Variants in ELOVL5 observed in about 807,000 individuals in gnomAD.
The protein encoded by ELOVL5 is ELOVL fatty acid elongase 5, also known as very long chain fatty acid elongase 5.
A neutral mutation model predicts 38.6 loss-of-function variants in ELOVL5; 8 were observed. The ratio of observed to expected loss-of-function variants is 0.21; its 90% CI spans 0.12 to 0.37. The LOEUF (loss-of-function observed/expected upper bound fraction) is 0.37, where lower values mean the gene tolerates loss of function less well. Ranked by LOEUF, ELOVL5 falls within the 10% of genes least tolerant of loss-of-function variation. ELOVL5 has a pLI of 1.00. For synonymous variants in ELOVL5, 127 were observed against 133.7 expected (o/e 0.95, Z 0.34); for missense variants, 280 against 367.8 (o/e 0.76, Z 1.95).
intron 3 of ELOVL5, among the ~76,000 whole-genome samples, chr6:53,285,686 G>A (rs756497224): frequency 2.0e-5 from 3 of 152,154 alleles, no homozygotes; most frequent in South Asian, 2.1e-4. Flanking sequence ...ATAGCTCACC[G>A]GAACCTTGAG....
chr6:53,299,594 A>G (rs2127577434), intron 1 of ELOVL5, among the ~76,000 whole-genome samples: 1 of 152,372 alleles, frequency 6.6e-6, no homozygotes, highest in Middle Eastern at 3.4e-3. Flanking sequence ...TTTCAGTCCA[A>G]GAGTACTGAA....
At chr6:53,284,398 T>C (rs1239146760) in intron 3 of ELOVL5, among the ~76,000 whole-genome samples, 2 of 152,122 alleles carry the variant, frequency 1.3e-5, no homozygotes, top group African/African-American at 4.8e-5. Flanking sequence ...GTCCCTGGTA[T>C]TGTTTAGGAG....
In ELOVL5 at chr6:53,287,920, C is replaced by T. The variant is rs1766635278; in HGVS notation, c.246+3856G>A. ...ATCAGTTCGTGAGGCACAGGCAGAT[C>T]GACGGGGTTGCTCCCTTTTGGACTG... is the stretch of plus-strand genomic sequence containing the variant. On this transcript the variant is annotated intron_variant, in intron 3 of 7. Transcript: ENST00000304434. 3.9e-6 allele frequency: 6 copies of T among 1,535,680 alleles called. No homozygotes were observed. The highest frequency in any genetic ancestry group is 3.5e-6 in the Non-Finnish European group (4 of 1,146,888).
chr6:53,305,005 G>A (rs1399682048), intron 1 of ELOVL5, among the ~76,000 whole-genome samples: 2 of 151,674 alleles, frequency 1.3e-5, no homozygotes, highest in African/African-American at 4.8e-5. Flanking sequence ...GGGGCGGCCA[G>A]GCAGAGGCGC....
intron 1 of ELOVL5, among the ~76,000 whole-genome samples, chr6:53,335,097 G>A (rs1271827329): frequency 6.6e-6 from 1 of 152,180 alleles, no homozygotes; most frequent in Non-Finnish European, 1.5e-5. Flanking sequence ...GGGATTTACA[G>A]GATTTGCATC....
intron 3 of ELOVL5, among the ~76,000 whole-genome samples, chr6:53,287,427 T>C (rs1488352197): frequency 6.6e-6 from 1 of 152,174 alleles, no homozygotes; most frequent in Non-Finnish European, 1.5e-5. Flanking sequence ...AAAACATTGT[T>C]TCATTCTAGC....
At chr6:53,329,652 C>T (rs1008284209) in intron 1 of ELOVL5, among the ~76,000 whole-genome samples, 3 of 152,042 alleles carry the variant, frequency 2.0e-5, no homozygotes, top group Non-Finnish European at 2.9e-5. Flanking sequence ...GGTGAAACCC[C>T]GTCTCTACTA....
At chr6:53,301,140 T>C (rs1177731070) in intron 1 of ELOVL5, among the ~76,000 whole-genome samples, 7 of 152,168 alleles carry the variant, frequency 4.6e-5, no homozygotes, top group African/African-American at 1.7e-4. Flanking sequence ...CCTAGTAATC[T>C]GGATTTATGG....
In ELOVL5 at chr6:53,273,463, G is replaced by A. The variant is rs558629653; in HGVS notation, c.497-119C>T. 1.8e-4 allele frequency: 158 copies of A among 901,876 alleles called. No homozygotes were observed. The African/African-American group carries it at 2.2e-3, about 12-fold the overall frequency. 55.9% of individuals were successfully genotyped at this position (901,876 alleles called of 1,614,324 possible). ...TCAGAAAGAGAGATGACTTCCAACG[G>A]AGCTGACAAACACTGCAACAGCAAG... On this transcript the variant is annotated intron_variant, in intron 5 of 7. Coordinates refer to ENST00000304434, the MANE Select transcript of ELOVL5 (RefSeq NM_021814.5).
rs567548711 is a variant in ELOVL5 at position 53,344,153 on chromosome 6, T to C, written c.-9+4664A>G. Among the ~76,000 whole-genome samples, 7 of 152,318 alleles carry C rather than the reference T, an allele frequency of 4.6e-5. No individual in the cohort carries two copies. The South Asian group carries it at 1.2e-3, about 27-fold the overall frequency. On this transcript the variant is annotated intron_variant, in intron 1 of 7. Transcript: ENST00000304434. ...ACCAAAAAAATAGCTAAGACAAAGGTTGGCCGTGAAGAGGAGGAATTGGAA... is the reference window on the plus strand; with the variant it reads ...ACCAAAAAAATAGCTAAGACAAAGGCTGGCCGTGAAGAGGAGGAATTGGAA...
intron 3 of ELOVL5, among the ~76,000 whole-genome samples, chr6:53,278,237 T>G (rs1220451993): frequency 6.6e-6 from 1 of 152,170 alleles, no homozygotes; most frequent in Admixed American, 6.5e-5. Flanking sequence ...TTTGTCTGTT[T>G]TAAAATAGGA....
chr6:53,327,692 C>G (rs1445028714), intron 1 of ELOVL5, among the ~76,000 whole-genome samples: 1 of 152,210 alleles, frequency 6.6e-6, no homozygotes, highest in Non-Finnish European at 1.5e-5. Context: ...AATTACACTT[C>G]AATTGAAAAA....
intron 3 of ELOVL5, among the ~76,000 whole-genome samples, chr6:53,283,014 G>A (rs1444601368): frequency 6.6e-6 from 1 of 152,166 alleles, no homozygotes; most frequent in African/African-American, 2.4e-5. Flanking sequence ...AAAGCATTCA[G>A]TCACCAAATG....
intron 1 of ELOVL5, among the ~76,000 whole-genome samples, chr6:53,344,116 T>C (rs1214417464): frequency 6.6e-6 from 1 of 152,234 alleles, no homozygotes; most frequent in African/African-American, 2.4e-5. Flanking sequence ...AACATGTTCT[T>C]GCAGAAAGGC....
chr6:53,286,724 T>C (rs1048860009), intron 3 of ELOVL5, among the ~76,000 whole-genome samples: 5 of 152,158 alleles, frequency 3.3e-5, no homozygotes, highest in Non-Finnish European at 7.3e-5. Flanking sequence ...ATGAATTACA[T>C]CTATACGACT....
chr6:53,309,710 G>T (rs188047140), intron 1 of ELOVL5, among the ~76,000 whole-genome samples: 1 of 152,172 alleles, frequency 6.6e-6, no homozygotes, highest in Non-Finnish European at 1.5e-5. Flanking sequence ...CAGCTGGCAT[G>T]TTTCTGTCTG....
In ELOVL5 at chr6:53,268,089, C is replaced by A. The variant is rs74973466; in HGVS notation, c.*1038G>T. Reference sequence around the variant, plus strand: ...TAAAAAGTTCTAAGGTCCTTTCCCCCCCTTTGTTAATTTTGGTAAACTAGG... The same window carrying A: ...TAAAAAGTTCTAAGGTCCTTTCCCCACCTTTGTTAATTTTGGTAAACTAGG... On this transcript the variant is annotated 3_prime_UTR_variant, in exon 8 of 8. Coordinates refer to ENST00000304434, the MANE Select transcript of ELOVL5 (RefSeq NM_021814.5). 1 of 152,106 alleles carries A rather than the reference C, an allele frequency of 6.6e-6. No homozygotes were observed. Among genetic ancestry groups the A allele is most frequent in the Non-Finnish European group, 1.5e-5 (1 of 68,014 alleles). 9.4% of individuals were successfully genotyped at this position (152,106 alleles called of 1,614,324 possible).
chr6:53,316,853 A>C (rs1768065605), intron 1 of ELOVL5, among the ~76,000 whole-genome samples: 2 of 152,124 alleles, frequency 1.3e-5, no homozygotes. Flanking sequence ...CTAGACCTTC[A>C]CTTTACTAAT....
intron 5 of ELOVL5, 95 bp from the exon 6 acceptor site, chr6:53,273,439 CAGAA>C: frequency 2.5e-6 from 3 of 1,196,386 alleles, no homozygotes; most frequent in African/African-American, 1.5e-5. Context: ...CTTTTTGAAT[CAGAA>C]AGAGAGATGA....
Sources: gnomAD v4.1 joint callset for allele counts (sites outside exome capture counted in the v4.1 genomes callset) on GRCh38, gnomAD v4.1.1 for gene constraint, MANE v1.5 for transcripts, NCBI Gene and HGNC (gene_info 2026-07-23, HGNC 2026-07-21) for gene names.